PDIA6: variants seen among roughly 807,000 people sequenced by gnomAD.
PDIA6 encodes protein disulfide isomerase family A member 6.
A neutral mutation model predicts 58.4 loss-of-function variants in PDIA6; 29 were observed. That is an observed-to-expected ratio of 0.50 (90% CI 0.37 to 0.68). The LOEUF (loss-of-function observed/expected upper bound fraction) is 0.68. Among genes scored for constraint, PDIA6 ranks in the 30% least tolerant of loss-of-function variants. The pLI is 0.00. For missense variants in PDIA6, 480 were observed against 551.0 expected (o/e 0.87, Z 1.29); for synonymous variants, 192 against 202.6 (o/e 0.95, Z 0.44).
At chr2:10,824,819 G>A (rs1343568389) in intron 1 of PDIA6, among the ~76,000 whole-genome samples, 1 of 152,196 alleles carries the variant, frequency 6.6e-6, no homozygotes, top group East Asian at 1.9e-4. Context: ...TTTGATTTGG[G>A]TTTCTAATTG....
rs76066876 is a variant in PDIA6 at position 10,819,397 on chromosome 2, G to A, written c.-47-43C>T. The stretch of plus-strand genomic sequence containing the variant: ...GAGGAGATGAGTGAGGTGGGGATGG[G>A]GAAACTATTACCGAATGTTCACCAT... On this transcript the variant is annotated intron_variant, in intron 1 of 13. Coordinates refer to the PDIA6 transcript ENST00000381611. 10 of 1,141,784 alleles carry A rather than the reference G, an allele frequency of 8.8e-6. No individual in the cohort carries two copies. The South Asian group carries it at 1.3e-4, about 15-fold the overall frequency. The allele number at this position is 1,141,784 out of a possible 1,614,324, so 70.7% of individuals were successfully genotyped here.
chr2:10,787,045 G>A lies in PDIA6; in HGVS notation c.1157+236C>T, dbSNP rs900550791. 3.9e-5 allele frequency among the ~76,000 whole-genome samples: 6 copies of A among 152,106 alleles called. No individual in the cohort carries two copies. In the South Asian group the frequency reaches 6.2e-4, roughly 16 times the overall value. On this transcript the variant is annotated intron_variant, in intron 11 of 12. Coordinates refer to ENST00000272227, the MANE Select transcript of PDIA6 (RefSeq NM_005742.4). ...AGATGCACAGAATGGCACACAGGGC[G>A]GCCCGAGGGTAGCAATGCTTTCTCC...
In PDIA6 at chr2:10,790,796, T is replaced by C. The variant is rs1039601878; in HGVS notation, c.622A>G (p.Lys208Glu). 1.9e-6 allele frequency: 3 copies of C among 1,614,068 alleles called. No homozygotes were observed. The highest frequency in any genetic ancestry group is 2.5e-6 in the Non-Finnish European group (3 of 1,180,018). ...PEWAAAASEV[K>E]EQTKGKVKLA... is the part of the protein sequence containing the mutation. The stretch of plus-strand genomic sequence containing the variant: ...TTCACTTTTCCTTTCGTCTGCTCTT[T>C]TACTTCTGAAGCTGCGGCAGCCCAC... The change falls in exon 7 of 13, where the codon AAA becomes GAA. Residue 208 changes from lysine (K) to glutamate (E), a missense_variant. By Grantham distance (56) the Lys-to-Glu change is moderately conservative (BLOSUM62 1). Coordinates refer to ENST00000272227, the MANE Select transcript of PDIA6 (RefSeq NM_005742.4).
chr2:10,831,027 G>A (rs1398699264), intron 1 of PDIA6, among the ~76,000 whole-genome samples: 4 of 152,210 alleles, frequency 2.6e-5, no homozygotes, highest in East Asian at 1.9e-4. Flanking sequence ...AGGGGCTGGC[G>A]GGGAGGGCCC....
chr2:10,821,110 T>C, intron 1 of PDIA6: 1 of 433,148 alleles, frequency 2.3e-6, no homozygotes, highest in Admixed American at 3.8e-5. Flanking sequence ...CTTCTCACTT[T>C]TCTGTTGTTG....
intron 2 of PDIA6, among the ~76,000 whole-genome samples, chr2:10,799,927 A>G (rs557042586): frequency 1.2e-3 from 179 of 150,754 alleles, no homozygotes; most frequent in African/African-American, 4.2e-3. Flanking sequence ...AAAAAAAAAA[A>G]GAATAAATCT....
chr2:10,802,364 T>G, intron 2 of PDIA6, 135 bp downstream of exon 2: 2 of 487,280 alleles, frequency 4.1e-6, no homozygotes, highest in Non-Finnish European at 6.8e-6. Context: ...GCATTTCCCA[T>G]TTCCCTCTTC....
At chr2:10,803,536 A>G (rs17365299) in intron 1 of PDIA6, among the ~76,000 whole-genome samples, 12,201 of 152,228 alleles carry the variant, frequency 0.08, 629 homozygotes, top group South Asian at 0.15. Context: ...CGTGTGAACA[A>G]CCTTATAAAG....
chr2:10,832,506 C>T (rs1461401741), upstream of PDIA6: 15 of 870,296 alleles, frequency 1.7e-5, no homozygotes, highest in South Asian at 6.9e-4. Flanking sequence ...AGGAAGTGAC[C>T]GCAAGGGGGC....
intron 11 of PDIA6, among the ~76,000 whole-genome samples, chr2:10,785,455 C>T (rs1047089092): frequency 2.0e-5 from 3 of 152,116 alleles, no homozygotes; most frequent in African/African-American, 7.2e-5. Context: ...GAGCGGGGTG[C>T]GTATGTGCAT....
At chr2:10,806,152 G>A (rs975867758) in intron 1 of PDIA6, among the ~76,000 whole-genome samples, 5 of 151,590 alleles carry the variant, frequency 3.3e-5, no homozygotes, top group African/African-American at 1.2e-4. Context: ...CAGATCGCTT[G>A]AGCTCAGGAA....
upstream of PDIA6, chr2:10,812,809 G>C (rs979471335): frequency 1.3e-4 from 151 of 1,194,392 alleles, 1 homozygote; most frequent in Admixed American, 4.5e-4. Context: ...CCGGTGGTCC[G>C]AGGGGCGGCC....
chr2:10,805,386 C>T (rs1422792726), intron 1 of PDIA6, among the ~76,000 whole-genome samples: 1 of 71,238 alleles, frequency 1.4e-5, no homozygotes, highest in Admixed American at 1.7e-4. Context: ...GTTAGAATGG[C>T]AATCATTAAA....
intron 1 of PDIA6, among the ~76,000 whole-genome samples, chr2:10,807,743 G>A (rs1307256736): frequency 6.6e-6 from 1 of 152,188 alleles, no homozygotes; most frequent in African/African-American, 2.4e-5. Flanking sequence ...TCTGGAAGGA[G>A]TGTACACCAT....
chr2:10,834,926 C>G (rs1031122374), upstream of PDIA6, among the ~76,000 whole-genome samples: 7 of 152,132 alleles, frequency 4.6e-5, no homozygotes, highest in Admixed American at 2.6e-4. Context: ...ACCACCATGT[C>G]CGGCTAATTT....
chr2:10,825,296 C>A (rs1667523321), intron 1 of PDIA6, among the ~76,000 whole-genome samples: 1 of 131,970 alleles, frequency 7.6e-6, no homozygotes, highest in Non-Finnish European at 1.6e-5. Flanking sequence ...CTCTGTCTCT[C>A]TCTCTCTCTG....
chr2:10,805,183 A>G lies in PDIA6; in HGVS notation c.20-2543T>C, dbSNP rs1398333981. Among the ~76,000 whole-genome samples the G allele has an allele frequency of 2.7e-5, 4 of 148,000 alleles. 1 individual carries two copies. Among genetic ancestry groups the G allele is most frequent in the African/African-American group, 9.9e-5 (4 of 40,250 alleles). ...CATCTGACAAAGGGCTAATATCCAG[A>G]ATCTACAATGAACTCAGACAAATTT... On this transcript the variant is annotated intron_variant, in intron 1 of 12. Transcript: ENST00000272227.
chr2:10,787,571 T>C (rs1665830962), intron 10 of PDIA6, 132 bp from the exon 11 acceptor site: 3 of 870,248 alleles, frequency 3.4e-6, no homozygotes, highest in Non-Finnish European at 5.1e-6. Context: ...AAAAGATGAG[T>C]TTCTATATGG....
rs534679487 is a variant in PDIA6 at position 10,812,751 on chromosome 2, G to A, written c.-55C>T. The A allele has an allele frequency of 2.1e-6, 3 of 1,408,004 alleles. No homozygotes were observed. The highest frequency in any genetic ancestry group is 2.1e-4 in the Middle Eastern group (1 of 4,856). 87.2% of individuals were successfully genotyped at this position (1,408,004 alleles called of 1,614,324 possible). ...CCGCCGCCGCCGCTTCAGCCCTGCA[G>A]CGTGCCGCACGCCGCGCCCCCGCGC... On this transcript the variant is annotated 5_prime_UTR_variant, in exon 1 of 13. Transcript: ENST00000272227.
Sources: allele counts gnomAD v4.1 joint callset (sites outside exome capture counted in the v4.1 genomes callset), GRCh38; gene constraint gnomAD v4.1.1; transcripts MANE v1.5; gene names NCBI Gene and HGNC (gene_info 2026-07-23, HGNC 2026-07-21).